Variants in FMO1 observed in about 807,000 individuals in gnomAD.
FMO1 encodes flavin containing dimethylaniline monoxygenase 1.
A neutral mutation model predicts 45.4 loss-of-function variants in FMO1; 36 were observed. The observed-to-expected ratio is 0.79, with a 90% confidence interval of 0.61 to 1.05. The LOEUF (loss-of-function observed/expected upper bound fraction) is 1.05, where lower values mean the gene tolerates loss of function less well. FMO1 is among the 50% of genes least tolerant of loss of function. FMO1 has a pLI of 0.00. For missense variants in FMO1, 615 were observed against 640.3 expected, an observed-to-expected ratio of 0.96 and a Z score of 0.43; for synonymous variants, 228 against 227.2, an observed-to-expected ratio of 1.00 and a Z score of -0.03.
intron 3 of FMO1, among the ~76,000 whole-genome samples, chr1:171,272,127 C>T (rs1032928553): frequency 6.6e-6 from 1 of 152,238 alleles, no homozygotes; most frequent in Non-Finnish European, 1.5e-5. Flanking sequence ...ATCCCAGCTG[C>T]TCCAGCTGTG....
intron 3 of FMO1, 45 bp downstream of exon 3, chr1:171,267,776 C>T: frequency 1.4e-6 from 2 of 1,452,716 alleles, no homozygotes; most frequent in South Asian, 1.3e-5. Flanking sequence ...TATTTCCTAC[C>T]TATTTTCTCT....
intron 3 of FMO1, among the ~76,000 whole-genome samples, chr1:171,273,967 G>A (rs1225482962): frequency 2.0e-5 from 3 of 152,070 alleles, no homozygotes; most frequent in Non-Finnish European, 2.9e-5. Context: ...GGCTAACACG[G>A]CGAAACCCCA....
At position 171,280,795 on chromosome 1, in the gene FMO1, A is replaced by G; in HGVS notation, c.637A>G (p.Ser213Gly). The change falls in exon 6 of 9, where the codon AGC becomes GGC. Residue 213 changes from serine to glycine, a missense_variant. Transcript: ENST00000617670. ...ASHLAEKVFL[S>G]TTGGGWVISR... The stretch of plus-strand genomic sequence containing the variant: ...CTTTGATTGCTTCCAGGTGTTCCTC[A>G]GCACCACCGGAGGGGGATGGGTGAT... 1 of 1,612,438 alleles carries G rather than the reference A, an allele frequency of 6.2e-7. No individual in the cohort carries two copies. The highest frequency in any genetic ancestry group is 8.5e-7 in the Non-Finnish European group (1 of 1,179,632).
chr1:171,282,397 T>C, intron 7 of FMO1, 64 bp downstream of exon 7: 1 of 1,026,056 alleles, frequency 9.7e-7, no homozygotes, highest in Non-Finnish European at 1.5e-6. Flanking sequence ...ATACTGGAAA[T>C]GTTGAGACTA....
At chr1:171,261,321 G>GCACACACACACATA (rs1660369237) in intron 2 of FMO1, among the ~76,000 whole-genome samples, 2 of 147,960 alleles carry the variant, frequency 1.4e-5, no homozygotes, top group African/African-American at 5.0e-5. Context: ...ACACACACAG[G>GCACACACACACATA]CACACACACA....
chr1:171,262,792 T>C (rs1206784467), intron 2 of FMO1, among the ~76,000 whole-genome samples: 1 of 152,200 alleles, frequency 6.6e-6, no homozygotes, highest in East Asian at 1.9e-4. Flanking sequence ...GAGCTTGCAT[T>C]CTTGGAGGTT....
At chr1:171,259,629 T>C (rs1660299658) in intron 2 of FMO1, among the ~76,000 whole-genome samples, 2 of 152,198 alleles carry the variant, frequency 1.3e-5, no homozygotes. Context: ...GTTATTTGAC[T>C]AAAGTAATCT....
intron 4 of FMO1, among the ~76,000 whole-genome samples, chr1:171,276,416 G>T (rs988397535): frequency 1.3e-5 from 2 of 152,166 alleles, no homozygotes; most frequent in African/African-American, 4.8e-5. Context: ...TCTGAGAGAG[G>T]CTCCATAGCC....
intron 1 of FMO1, among the ~76,000 whole-genome samples, chr1:171,253,369 G>A (rs983342089): frequency 6.6e-6 from 1 of 152,082 alleles, no homozygotes; most frequent in African/African-American, 2.4e-5. Context: ...CCTGCACCAC[G>A]AAAAGCTCAA....
At position 171,280,937 on chromosome 1, in the gene FMO1, T is replaced by C. The variant is rs771196777; in HGVS notation, c.779T>C (p.Ile260Thr). The C allele has an allele frequency of 2.5e-5, 40 of 1,613,766 alleles. No individual in the cohort carries two copies. The highest frequency in any genetic ancestry group is 3.3e-5 in the Admixed American group (2 of 59,968). Residue 260 changes from isoleucine to threonine, a missense_variant, in exon 6 of 9, where the codon ATA becomes ACA. Transcript: ENST00000617670. ...GTGACTTGGTTGATGGAGCGAAAGA[T>C]AAACAACTGGCTCAATCATGCAAAT... ...PIVTWLMERK[I>T]NNWLNHANYG...
At chr1:171,273,715 C>T (rs754178784) in intron 3 of FMO1, among the ~76,000 whole-genome samples, 10 of 152,136 alleles carry the variant, frequency 6.6e-5, no homozygotes, top group South Asian at 2.1e-4. Flanking sequence ...TAAGGTCTCA[C>T]TATGCCGCCC....
At position 171,285,896 on chromosome 1, in the gene FMO1, T is replaced by C. The variant is rs1661607723; in HGVS notation, c.*352T>C. On this transcript the variant is annotated 3_prime_UTR_variant, in exon 9 of 9. Coordinates refer to ENST00000617670, the MANE Select transcript of FMO1 (RefSeq NM_001282693.2). ...CTAAAACCCCTTACTTCACAAATGA[T>C]TGTGTTGTGCTGAAATGGTGCTCTT... 2 of 173,736 alleles carry C rather than the reference T, an allele frequency of 1.2e-5. No homozygotes were observed. Among genetic ancestry groups the C allele is most frequent in the Admixed American group, 1.3e-4 (2 of 15,952 alleles). 10.8% of individuals were successfully genotyped at this position (173,736 alleles called of 1,614,324 possible). A position where few individuals can be genotyped will look rare whatever the true frequency, so the allele number is the denominator to read the frequency against.
At chr1:171,250,991 C>CA (rs1659863821) in intron 1 of FMO1, among the ~76,000 whole-genome samples, 1 of 152,148 alleles carries the variant, frequency 6.6e-6, no homozygotes, top group Admixed American at 6.5e-5. Context: ...GAGAAGTTTG[C>CA]ATAACTTCAG....
At position 171,280,849 on chromosome 1, in the gene FMO1, T is replaced by A; in HGVS notation, c.691T>A (p.Trp231Arg). ...ISRIFDSGYP[W>R]DMVFMTRFQN... ...CCGAATCTTTGACTCGGGCTACCCATGGGACATGGTGTTCATGACACGCTT... is the reference window on the plus strand; with the variant it reads ...CCGAATCTTTGACTCGGGCTACCCAAGGGACATGGTGTTCATGACACGCTT... The change falls in exon 6 of 9, where the codon TGG becomes AGG. Residue 231 changes from tryptophan to arginine, a missense_variant. By Grantham distance (101) the Trp-to-Arg change is moderately radical. Coordinates refer to ENST00000617670, the MANE Select transcript of FMO1 (RefSeq NM_001282693.2). 6.2e-7 allele frequency: 1 copy of A among 1,613,902 alleles called. No homozygotes were observed.
chr1:171,279,703 A>G (rs1038817702), intron 5 of FMO1, among the ~76,000 whole-genome samples: 17 of 152,234 alleles, frequency 1.1e-4, no homozygotes, highest in African/African-American at 4.1e-4. Context: ...GCCTGCTCTC[A>G]TTATAGCACT....
At chr1:171,271,649 G>A in intron 3 of FMO1, 1 of 707,336 alleles carries the variant, frequency 1.4e-6, no homozygotes. Flanking sequence ...GCTCTCACTT[G>A]CCCCAGTGCT....
In FMO1 at chr1:171,267,524, G is replaced by A. The variant is rs1241703105; in HGVS notation, c.133-19G>A. On this transcript the variant is annotated intron_variant, in intron 2 of 8. Transcript: ENST00000617670. ...ATGAGCATGCAATGAATGTTCATGT[G>A]TGTGCACTGTTTGTACAGGAACATG... 2.5e-6 allele frequency: 4 copies of A among 1,570,346 alleles called. No individual in the cohort carries two copies. In the South Asian group the frequency reaches 4.9e-5, roughly 19 times the overall value.
At chr1:171,259,915 A>G (rs1273198064) in intron 2 of FMO1, among the ~76,000 whole-genome samples, 3 of 152,208 alleles carry the variant, frequency 2.0e-5, no homozygotes, top group Non-Finnish European at 2.9e-5. Flanking sequence ...GGTAGATGGA[A>G]GAAGGCTAGG....
chr1:171,272,090 G>A (rs1156797659), intron 3 of FMO1, among the ~76,000 whole-genome samples: 1 of 152,256 alleles, frequency 6.6e-6, no homozygotes, highest in Non-Finnish European at 1.5e-5. Context: ...CCCATGCTGT[G>A]TGCAGCCAAG....
Sources: allele counts gnomAD v4.1 joint callset (sites outside exome capture counted in the v4.1 genomes callset), GRCh38; gene constraint gnomAD v4.1.1; transcripts MANE v1.5; gene names NCBI Gene and HGNC (gene_info 2026-07-23, HGNC 2026-07-21).